Variants in ARPP21 observed in about 807,000 individuals in gnomAD.
ARPP21 encodes cAMP-regulated phosphoprotein 21.
ARPP21 carries 69 observed loss-of-function variants against 113.2 expected under a neutral mutation model. That is an observed-to-expected ratio of 0.61 (90% CI 0.50 to 0.74). The LOEUF (loss-of-function observed/expected upper bound fraction) is 0.74. Ranked by LOEUF, ARPP21 falls within the 30% of genes least tolerant of loss-of-function variation. ARPP21 has a pLI of 0.00. For missense variants in ARPP21, 1,070 were observed against 1,037.4 expected, an observed-to-expected ratio of 1.03 and a Z score of -0.43; for synonymous variants, 368 against 375.5, an observed-to-expected ratio of 0.98 and a Z score of 0.23.
chr3:35,747,584 A>G (rs938503884), intron 19 of ARPP21, among the ~76,000 whole-genome samples: 1 of 152,126 alleles, frequency 6.6e-6, no homozygotes, highest in African/African-American at 2.4e-5. Flanking sequence ...AATTATTGAT[A>G]GCCCAAGTCT....
chr3:35,789,103 G>A (rs1193274675), intron 19 of ARPP21, among the ~76,000 whole-genome samples: 1 of 152,174 alleles, frequency 6.6e-6, no homozygotes, highest in Non-Finnish European at 1.5e-5. Context: ...AGTTTTGCAA[G>A]ATGCATTATA....
intron 1 of ARPP21, among the ~76,000 whole-genome samples, chr3:35,642,966 G>A (rs984285018): frequency 6.6e-6 from 1 of 152,052 alleles, no homozygotes; most frequent in African/African-American, 2.4e-5. Flanking sequence ...AGTAGCAGAG[G>A]CAGCACTGGT....
At chr3:35,723,885 C>G (rs992254922) in intron 14 of ARPP21, among the ~76,000 whole-genome samples, 1 of 152,102 alleles carries the variant, frequency 6.6e-6, no homozygotes, top group Non-Finnish European at 1.5e-5. Context: ...TAAAGAAGAT[C>G]AAGGTAGGAT....
At chr3:35,722,336 G>A (rs2150324313) in intron 14 of ARPP21, among the ~76,000 whole-genome samples, 1 of 152,268 alleles carries the variant, frequency 6.6e-6, no homozygotes, top group South Asian at 2.1e-4. Context: ...TTGGAATGCT[G>A]TTAGTACGAT....
At chr3:35,768,017 G>A (rs1237185577) in intron 19 of ARPP21, among the ~76,000 whole-genome samples, 1 of 150,994 alleles carries the variant, frequency 6.6e-6, no homozygotes, top group African/African-American at 2.4e-5. Flanking sequence ...CTTGTCTGAG[G>A]CCTGACCCAA....
chr3:35,721,769 T>C lies in ARPP21; in HGVS notation c.1160T>C (p.Ile387Thr). The change falls in exon 14 of 21, where the codon ATC (isoleucine) becomes ACC (threonine). Residue 387 changes from isoleucine (I) to threonine (T), a missense_variant. By Grantham distance (89) the Ile-to-Thr change is moderately conservative. Transcript: ENST00000684406. ...ACCAAGACGGCGAGTTTTGGGGGCA[T>C]CACGGTGCTGACCAGGGGTGACAGC... is the stretch of plus-strand genomic sequence containing the variant. The part of the protein sequence containing the change: ...AMTKTASFGG[I>T]TVLTRGDSTS... 1.2e-6 allele frequency: 2 copies of C among 1,613,714 alleles called. No homozygotes were observed. The highest frequency in any genetic ancestry group is 1.7e-6 in the Non-Finnish European group (2 of 1,179,802).
At chr3:35,769,129 T>C (rs2096099005) in intron 19 of ARPP21, among the ~76,000 whole-genome samples, 1 of 152,216 alleles carries the variant, frequency 6.6e-6, no homozygotes, top group Non-Finnish European at 1.5e-5. Flanking sequence ...TATGATTATA[T>C]ACCTATATCT....
intron 19 of ARPP21, among the ~76,000 whole-genome samples, chr3:35,778,572 C>T (rs1182399177): frequency 2.0e-5 from 3 of 152,308 alleles, no homozygotes; most frequent in Admixed American, 1.3e-4. Flanking sequence ...TTATTATGCT[C>T]TGGTGTCTTC....
chr3:35,684,090 A>G, intron 5 of ARPP21: 1 of 1,560,226 alleles, frequency 6.4e-7, no homozygotes, highest in Non-Finnish European at 8.7e-7. Context: ...AAAAGTAGGC[A>G]CAGTAGTGCT....
At chr3:35,745,517 C>G (rs558039120) in intron 19 of ARPP21, among the ~76,000 whole-genome samples, 12 of 152,230 alleles carry the variant, frequency 7.9e-5, no homozygotes, top group African/African-American at 2.9e-4. Flanking sequence ...TTATTTCAGT[C>G]TTGTGGTAGA....
intron 5 of ARPP21, chr3:35,685,100 A>G (rs2080155784): frequency 2.0e-6 from 2 of 985,282 alleles, no homozygotes; most frequent in Non-Finnish European, 2.4e-6. Flanking sequence ...GTAATGCCCC[A>G]GTTGTCCCCC....
intron 19 of ARPP21, among the ~76,000 whole-genome samples, chr3:35,786,445 T>A (rs892897579): frequency 3.3e-5 from 5 of 151,772 alleles, no homozygotes; most frequent in Non-Finnish European, 7.4e-5. Flanking sequence ...GGAGAATCAT[T>A]TGAACCCAGG....
Position 35,707,112 on chromosome 3 carries a change from A to G in ARPP21, c.795+30A>G, listed in dbSNP as rs201668999. ...GTTCTCAAGTTTGAGAGTGGCTGAC[A>G]TTGTTGTTTTTGAAGGTGGGCTGAC... On this transcript the variant is annotated intron_variant, in intron 10 of 20. Transcript: ENST00000684406. 9.4e-5 allele frequency: 147 copies of G among 1,557,990 alleles called. 1 individual carries two copies. The African/African-American group carries it at 1.6e-3, about 17-fold the overall frequency.
chr3:35,715,948 T>G (rs777766830), intron 12 of ARPP21, among the ~76,000 whole-genome samples: 2 of 152,136 alleles, frequency 1.3e-5, no homozygotes, highest in Admixed American at 6.5e-5. Context: ...CTAAACAATC[T>G]ATTTTTCTTC....
chr3:35,727,352 A>G (rs1247664276), intron 14 of ARPP21, among the ~76,000 whole-genome samples: 1 of 152,192 alleles, frequency 6.6e-6, no homozygotes, highest in Non-Finnish European at 1.5e-5. Context: ...TGAATTACCT[A>G]ACTTCCTTTT....
intron 14 of ARPP21, among the ~76,000 whole-genome samples, chr3:35,725,832 G>C (rs918567985): frequency 1.3e-5 from 2 of 151,940 alleles, no homozygotes; most frequent in African/African-American, 4.8e-5. Context: ...TTCAGTTTCT[G>C]AGCTTTCCAC....
intron 2 of ARPP21, 74 bp from the exon 3 acceptor site, chr3:35,681,640 G>T: frequency 1.3e-6 from 1 of 761,912 alleles, no homozygotes; most frequent in Non-Finnish European, 2.1e-6. Flanking sequence ...AATATGAAAG[G>T]AGAAATGAAA....
intron 2 of ARPP21, chr3:35,680,920 AG>A (rs1470958620): frequency 6.6e-6 from 1 of 151,856 alleles, no homozygotes; most frequent in Non-Finnish European, 1.5e-5. Flanking sequence ...TTATAAAGGT[AG>A]GGAGAAAAAA....
intron 9 of ARPP21, among the ~76,000 whole-genome samples, chr3:35,691,302 T>A (rs2082166718): frequency 6.6e-6 from 1 of 151,648 alleles, no homozygotes; most frequent in African/African-American, 2.4e-5. Flanking sequence ...CTGTGAAAAA[T>A]TTTGTCAAAA....
Sources: gnomAD v4.1 joint callset for allele counts (sites outside exome capture counted in the v4.1 genomes callset) on GRCh38, gnomAD v4.1.1 for gene constraint, MANE v1.5 for transcripts, NCBI Gene and HGNC (gene_info 2026-07-23, HGNC 2026-07-21) for gene names.